Variants in TGFB2 observed in about 807,000 individuals in gnomAD.
The protein encoded by TGFB2 is transforming growth factor beta 2.
Under a neutral mutation model 42.7 loss-of-function variants are expected in TGFB2, and 13 were observed. The ratio of observed to expected loss-of-function variants is 0.30; its 90% confidence interval spans 0.20 to 0.48. The LOEUF (loss-of-function observed/expected upper bound fraction) is 0.48, where lower values mean the gene tolerates loss of function less well. Among genes scored for constraint, TGFB2 ranks in the 20% least tolerant of loss-of-function variants. TGFB2 has a pLI of 0.99. For synonymous variants in TGFB2, 193 were observed against 193.6 expected (o/e 1.00, Z 0.03); for missense variants, 390 against 517.5 (o/e 0.75, Z 2.39).
intron 2 of TGFB2, among the ~76,000 whole-genome samples, chr1:218,422,476 GT>G (rs1467193698): frequency 1.3e-5 from 2 of 152,044 alleles, no homozygotes; most frequent in African/African-American, 4.8e-5. Context: ...CCATCTCAGC[GT>G]CCCATAGTGC....
chr1:218,359,075 G>A (rs1391348426), intron 1 of TGFB2, among the ~76,000 whole-genome samples: 2 of 152,060 alleles, frequency 1.3e-5, no homozygotes, highest in South Asian at 2.1e-4. Flanking sequence ...GCAGGTTAAC[G>A]AGAGGGAGAC....
chr1:218,408,219 A>G (rs1658977204), intron 2 of TGFB2, among the ~76,000 whole-genome samples: 3 of 152,118 alleles, frequency 2.0e-5, no homozygotes, highest in Admixed American at 2.0e-4. Flanking sequence ...CTCTGCCAGC[A>G]GGCTTGCCAA....
chr1:218,394,661 C>T (rs998195002), intron 1 of TGFB2, among the ~76,000 whole-genome samples: 2 of 152,156 alleles, frequency 1.3e-5, no homozygotes, highest in African/African-American at 4.8e-5. Flanking sequence ...ATAGCAGATG[C>T]TCTGGTGCTG....
chr1:218,434,224 C>T lies in TGFB2; in HGVS notation c.643+10C>T. 1.9e-6 allele frequency: 3 copies of T among 1,613,238 alleles called. No homozygotes were observed. The highest frequency in any genetic ancestry group is 2.5e-6 in the Non-Finnish European group (3 of 1,179,236). On this transcript the variant is annotated intron_variant, in intron 3 of 6. Transcript: ENST00000366930. ...TGGCTTCACCATAAAGGTTACAAGC[C>T]ACTCTCTCTTTTCCTCCCAAGATGT...
At chr1:218,414,028 A>G (rs748572178) in intron 2 of TGFB2, among the ~76,000 whole-genome samples, 1 of 152,186 alleles carries the variant, frequency 6.6e-6, no homozygotes, top group African/African-American at 2.4e-5. Context: ...GACATTGCAT[A>G]TGTAACATCT....
chr1:218,361,296 A>G (rs554017491), intron 1 of TGFB2, among the ~76,000 whole-genome samples: 1 of 152,356 alleles, frequency 6.6e-6, no homozygotes, highest in South Asian at 2.1e-4. Flanking sequence ...GCCTTACTTA[A>G]AAACAAAAAA....
At chr1:218,378,222 C>CT (rs1312300054) in intron 1 of TGFB2, among the ~76,000 whole-genome samples, 1 of 151,522 alleles carries the variant, frequency 6.6e-6, no homozygotes, top group East Asian at 1.9e-4. Context: ...ACCAGGCACT[C>CT]TATGAGTGCA....
At chr1:218,363,990 T>G (rs1312572974) in intron 1 of TGFB2, among the ~76,000 whole-genome samples, 1 of 152,066 alleles carries the variant, frequency 6.6e-6, no homozygotes, top group Non-Finnish European at 1.5e-5. Flanking sequence ...ATTATGAGAT[T>G]TTTTTTTGCA....
At position 218,443,284 on chromosome 1, in the gene TGFB2, T is replaced by C. The variant is rs1660216112; in HGVS notation, c.*1922T>C. On this transcript the variant is annotated 3_prime_UTR_variant, in exon 7 of 7. Coordinates refer to ENST00000366930, the MANE Select transcript of TGFB2 (RefSeq NM_003238.6). ...TAATAGAATATGTCAGTTTATCACT[T>C]GTCGCTTATTTAGCTTTAAAATAAA... 6.6e-6 allele frequency: 1 copy of C among 152,236 alleles called. No individual in the cohort carries two copies. The highest frequency in any genetic ancestry group is 2.4e-5 in the African/African-American group (1 of 41,460). 9.4% of individuals were successfully genotyped at this position (152,236 alleles called of 1,614,324 possible). A position where few individuals can be genotyped will look rare whatever the true frequency, so the allele number is the denominator to read the frequency against.
At chr1:218,375,347 A>C (rs1229837743) in intron 1 of TGFB2, among the ~76,000 whole-genome samples, 1 of 152,014 alleles carries the variant, frequency 6.6e-6, no homozygotes, top group Non-Finnish European at 1.5e-5. Flanking sequence ...ATTTGCATAC[A>C]GGGGACCTGG....
At chr1:218,407,966 T>C (rs1260753074) in intron 2 of TGFB2, among the ~76,000 whole-genome samples, 1 of 152,218 alleles carries the variant, frequency 6.6e-6, no homozygotes, top group Non-Finnish European at 1.5e-5. Flanking sequence ...TACAAGATGA[T>C]TTAAACAAAC....
intron 5 of TGFB2, 53 bp from the exon 6 acceptor site, chr1:218,437,290 G>A (rs1571904008): frequency 1.3e-6 from 2 of 1,508,956 alleles, no homozygotes; most frequent in East Asian, 2.3e-5. Context: ...GTAGAGTGAG[G>A]GTGGTGAATC....
Position 218,415,304 on chromosome 1 carries a change from G to A in TGFB2, c.510+9972G>A, listed in dbSNP as rs573136051. Among the ~76,000 whole-genome samples, 6 of 152,304 alleles carry A rather than the reference G, an allele frequency of 3.9e-5. No individual in the cohort carries two copies. In the South Asian group the frequency reaches 1.0e-3, roughly 26 times the overall value. ...AATGCTTCCCCTAGCCCTTCTTGCTGTAGGGTCTGGGTTCTTGGTTGCTGT... is the reference window on the plus strand; with the variant it reads ...AATGCTTCCCCTAGCCCTTCTTGCTATAGGGTCTGGGTTCTTGGTTGCTGT... On this transcript the variant is annotated intron_variant, in intron 2 of 6. Transcript: ENST00000366930.
intron 2 of TGFB2, among the ~76,000 whole-genome samples, chr1:218,420,034 T>C (rs1398740638): frequency 6.6e-6 from 1 of 152,006 alleles, no homozygotes; most frequent in African/African-American, 2.4e-5. Flanking sequence ...TGCCAGGAGG[T>C]AGGAATCAAG....
chr1:218,406,667 A>G (rs1344929648), intron 2 of TGFB2, among the ~76,000 whole-genome samples: 1 of 152,072 alleles, frequency 6.6e-6, no homozygotes, highest in African/African-American at 2.4e-5. Context: ...CGTATCTATT[A>G]AAACCTGATG....
At chr1:218,372,062 C>A (rs1657591441) in intron 1 of TGFB2, among the ~76,000 whole-genome samples, 1 of 152,066 alleles carries the variant, frequency 6.6e-6, no homozygotes. Flanking sequence ...TAGCTCAGGG[C>A]TTGCAAGTTC....
At position 218,437,475 on chromosome 1, in the gene TGFB2, T is replaced by C. The variant is rs1660009940; in HGVS notation, c.1065T>C (p.Ser355=). Residue 355 remains serine (S), a synonymous_variant, in exon 6 of 7, where the codon AGT becomes AGC. Coordinates refer to ENST00000366930, the MANE Select transcript of TGFB2 (RefSeq NM_003238.6). ...FCAGACPYLW[S]SDTQHSRVLS... ...CTGGAGCATGCCCGTATTTATGGAG[T>C]TCAGACACTCAGCACAGCAGGGTGA... The C allele has an allele frequency of 6.2e-7, 1 of 1,613,176 alleles. No individual in the cohort carries two copies. Among genetic ancestry groups the C allele is most frequent in the Non-Finnish European group, 8.5e-7 (1 of 1,179,632 alleles).
At position 218,346,860 on chromosome 1, in the gene TGFB2, C is replaced by T; in HGVS notation, c.159C>T (p.Pro53=). ...TGAGCAAGCTGAAGCTCACCAGTCC[C>T]CCAGAAGACTATCCTGAGCCCGAGG... ...QILSKLKLTS[P]PEDYPEPEEV... The change falls in exon 1 of 7, where the codon CCC becomes CCT. Residue 53 remains proline (P), a synonymous_variant. Coordinates refer to ENST00000366930, the MANE Select transcript of TGFB2 (RefSeq NM_003238.6). This position sits in a 1 kb window ranked among gnomAD's most constrained non-coding sequence, Gnocchi z 4.9. 1.2e-6 allele frequency: 2 copies of T among 1,614,146 alleles called. No homozygotes were observed. Among genetic ancestry groups the T allele is most frequent in the Non-Finnish European group, 1.7e-6 (2 of 1,180,030 alleles).
At position 218,393,101 on chromosome 1, in the gene TGFB2, G is replaced by A. The variant is rs147839490; in HGVS notation, c.347-12068G>A. ...TTGAAAAGATTAGAGAAAGATTTTC[G>A]GCTAATAATGACCCGCTACACCCAT... is the stretch of plus-strand genomic sequence containing the variant. On this transcript the variant is annotated intron_variant, in intron 1 of 6. Coordinates refer to ENST00000366930, the MANE Select transcript of TGFB2 (RefSeq NM_003238.6). Among the ~76,000 whole-genome samples the A allele has an allele frequency of 3.0e-4, 45 of 152,252 alleles. 1 individual carries two copies. Among genetic ancestry groups the A allele is most frequent in the African/African-American group, 1.0e-3 (43 of 41,530 alleles).
Sources: allele counts gnomAD v4.1 joint callset (sites outside exome capture counted in the v4.1 genomes callset), GRCh38; gene constraint gnomAD v4.1.1; non-coding constraint Gnocchi (gnomAD v3.1); transcripts MANE v1.5; gene names NCBI Gene and HGNC (gene_info 2026-07-23, HGNC 2026-07-21).